AUP1: variants seen among roughly 807,000 people sequenced by gnomAD.
AUP1 encodes lipid droplet-regulating VLDL assembly factor AUP1.
Under a neutral mutation model 51.8 loss-of-function variants are expected in AUP1, and 30 were observed. That is an observed-to-expected ratio of 0.58 (90% CI 0.43 to 0.79). AUP1 has a LOEUF of 0.79. Among genes scored for constraint, AUP1 ranks in the 30% least tolerant of loss-of-function variants. The pLI is 0.00. For missense variants in AUP1, 492 were observed against 517.1 expected, an observed-to-expected ratio of 0.95 and a Z score of 0.47; for synonymous variants, 227 against 209.0, an observed-to-expected ratio of 1.09 and a Z score of -0.74.
chr2:74,526,967 C>T lies in AUP1; in HGVS notation c.1170G>A (p.Lys390=), dbSNP rs1267660765. The T allele has an allele frequency of 6.2e-7, 1 of 1,614,152 alleles. No homozygotes were observed. The highest frequency in any genetic ancestry group is 2.2e-5 in the East Asian group (1 of 44,878). Residue 390 remains lysine, a synonymous_variant, in exon 11 of 12, where the codon AAG becomes AAA. Transcript: ENST00000377526. ...TTCTTGCGTATTCATATAGTGCTTG[C>T]TTGCGCTCCTGCAGGCTCTCCTGCC... ...WARQESLQER[K]QALYEYARRR...
In AUP1 at chr2:74,527,651, G is replaced by A. The variant is rs1314702366; in HGVS notation, c.842-61C>T. On this transcript the variant is annotated intron_variant, in intron 8 of 11. Transcript: ENST00000377526. ...GGTAAGTAGAGAACTAGAAGGAGAG[G>A]CTAACTAGCACAGAAATAGGGGAGG... 2.5e-6 allele frequency: 4 copies of A among 1,589,324 alleles called. No homozygotes were observed. The African/African-American group carries it at 5.5e-5, about 22-fold the overall frequency.
Position 74,526,684 on chromosome 2 carries a change from G to C in AUP1, c.*116C>G. ...AAAACCATGAATTTAATGTGACATTGGGGGAGCCTCATCCTTCCCTTTTTA... is the reference window on the plus strand; with the variant it reads ...AAAACCATGAATTTAATGTGACATTCGGGGAGCCTCATCCTTCCCTTTTTA... On this transcript the variant is annotated 3_prime_UTR_variant, in exon 12 of 12. Transcript: ENST00000377526. 8.1e-7 allele frequency: 1 copy of C among 1,234,038 alleles called. No individual in the cohort carries two copies. The allele number at this position is 1,234,038 out of a possible 1,614,324, so 76.4% of individuals were successfully genotyped here.
chr2:74,529,375 T>C lies in AUP1; in HGVS notation c.175A>G (p.Ser59Gly). The C allele has an allele frequency of 6.2e-7, 1 of 1,610,556 alleles. No individual in the cohort carries two copies. Among genetic ancestry groups the C allele is most frequent in the Non-Finnish European group, 8.5e-7 (1 of 1,178,344 alleles). The part of the protein sequence containing the change: ...VFLVSCALPD[S>G]VLRRFVVRTM... ...CCGCGTCGGAACCTGCGAAGGACGC[T>C]GTCTGGCAGCGCGCAGCTGACCAGG... The change falls in exon 2 of 12, where the codon AGC becomes GGC. Residue 59 changes from serine (S) to glycine (G), a missense_variant. Coordinates refer to ENST00000377526, the MANE Select transcript of AUP1 (RefSeq NM_181575.5).
chr2:74,529,694 C>A lies in AUP1; in HGVS notation c.-65G>T, dbSNP rs1267015971. 9 of 1,538,252 alleles carry A rather than the reference C, an allele frequency of 5.9e-6. No individual in the cohort carries two copies. Among genetic ancestry groups the A allele is most frequent in the South Asian group, 1.2e-5 (1 of 83,730 alleles). ...CCATTTTCGCGCCCGGCCGCAGGGGCTCTTGGGAAGGCGGAGTCTTTGGGC... is the reference window on the plus strand; with the variant it reads ...CCATTTTCGCGCCCGGCCGCAGGGGATCTTGGGAAGGCGGAGTCTTTGGGC... On this transcript the variant is annotated 5_prime_UTR_variant, in exon 1 of 12. Transcript: ENST00000377526.
At chr2:74,527,614 A>G in intron 8 of AUP1, 24 bp from the exon 9 acceptor site, 6 of 1,588,362 alleles carry the variant, frequency 3.8e-6, no homozygotes, top group Non-Finnish European at 5.1e-6. Flanking sequence ...AAAAAAAGAA[A>G]AAAGAAATTC....
chr2:74,529,002 G>A (rs529041672), intron 3 of AUP1, 67 bp from the exon 4 acceptor site: 1 of 1,603,874 alleles, frequency 6.2e-7, no homozygotes, highest in South Asian at 1.1e-5. Context: ...AAACTGACAT[G>A]TTGGGTAGAG....
chr2:74,527,401 C>A, intron 9 of AUP1, 38 bp from the exon 10 acceptor site: 1 of 1,611,948 alleles, frequency 6.2e-7, no homozygotes, highest in Non-Finnish European at 8.5e-7. Context: ...TCCCTACTTA[C>A]TTTCTTCCTT....
chr2:74,529,261 A>C lies in AUP1; in HGVS notation c.210T>G (p.Cys70Trp). Reference sequence around the variant, plus strand: ...GCCGGGCCACGAGCCCTAGCACCGCACACATGGTCCGCACTACGAATCTGG... The same window carrying C: ...GCCGGGCCACGAGCCCTAGCACCGCCCACATGGTCCGCACTACGAATCTGG... ...VLRRFVVRTM[C>W]AVLGLVARQE... The change falls in exon 3 of 12, where the codon TGT becomes TGG. Residue 70 changes from cysteine (C) to tryptophan (W), a missense_variant. Cys to Trp is a radical substitution (Grantham distance 215). Transcript: ENST00000377526. 6.2e-7 allele frequency: 1 copy of C among 1,614,226 alleles called. No individual in the cohort carries two copies. Among genetic ancestry groups the C allele is most frequent in the Non-Finnish European group, 8.5e-7 (1 of 1,180,032 alleles).
intron 4 of AUP1, 88 bp from the exon 5 acceptor site, chr2:74,528,577 C>A: frequency 7.0e-7 from 1 of 1,418,690 alleles, no homozygotes. Context: ...CTGTCAAACT[C>A]TACAAGCACA....
chr2:74,527,214 C>T, intron 10 of AUP1, 34 bp downstream of exon 10: 1 of 1,607,190 alleles, frequency 6.2e-7, no homozygotes, highest in South Asian at 1.1e-5. Flanking sequence ...CAACTCACCC[C>T]AACACTTGGA....
At chr2:74,528,084 T>C (rs756146670) in intron 6 of AUP1, 78 bp from the exon 7 acceptor site, 8 of 1,550,708 alleles carry the variant, frequency 5.2e-6, no homozygotes, top group Non-Finnish European at 5.3e-6. Context: ...TGGTACCTCT[T>C]TGCATGGTGG....
intron 4 of AUP1, 101 bp downstream of exon 4, chr2:74,528,650 G>A (rs1371142205): frequency 9.1e-6 from 13 of 1,429,216 alleles, no homozygotes; most frequent in Non-Finnish European, 1.2e-5. Flanking sequence ...AAATGAACTG[G>A]AGATGATGGG....
chr2:74,527,066 T>C lies in AUP1; in HGVS notation c.1078-7A>G. ...CCGGGCCAGAGCTGGGAAACTGAGG[T>C]GATCACAATGTCAGAGGGCTTGCGG... On this transcript the variant is annotated splice_polypyrimidine_tract_variant and splice_region_variant and intron_variant, in intron 10 of 11. Coordinates refer to ENST00000377526, the MANE Select transcript of AUP1 (RefSeq NM_181575.5). 6.2e-7 allele frequency: 1 copy of C among 1,614,104 alleles called. No homozygotes were observed.
rs1306810714 is a variant in AUP1, at chr2:74,528,786, C to T, written c.489G>A (p.Glu163=). Residue 163 remains glutamate (E), a synonymous_variant, in exon 4 of 12, where the codon GAG becomes GAA. Transcript: ENST00000377526. ...GGAGCCCCTCCCGGCCATTGGTGGC[C>T]TCTTCCTCAGGGAATAGCAGCAGAG... is the stretch of plus-strand genomic sequence containing the variant. ...PTPLLLFPEE[E]ATNGREGLLR... is the part of the protein sequence containing the mutation. The T allele has an allele frequency of 2.5e-6, 4 of 1,611,846 alleles. No individual in the cohort carries two copies. Among genetic ancestry groups the T allele is most frequent in the Middle Eastern group, 3.3e-4 (2 of 6,030 alleles).
In AUP1 at chr2:74,529,471, C is replaced by A; in HGVS notation, c.79G>T (p.Val27Leu). The A allele has an allele frequency of 6.4e-7, 1 of 1,560,320 alleles. No homozygotes were observed. The highest frequency in any genetic ancestry group is 8.7e-7 in the Non-Finnish European group (1 of 1,151,278). Reference protein sequence around the residue: ...RLPGDCFLLLVLLLYAPVGFC... With the variant: ...RLPGDCFLLLLLLLYAPVGFC... ...CCGACTGGCGCGTAGAGCAGCAGCA[C>A]GAGCAGTAGGAAGCAGTCACCCGGA... The change falls in exon 2 of 12, where the codon GTG (valine) becomes TTG (leucine). Residue 27 changes from valine to leucine, a missense_variant. Coordinates refer to ENST00000377526, the MANE Select transcript of AUP1 (RefSeq NM_181575.5).
Position 74,527,253 on chromosome 2 carries a change from A to C in AUP1, c.1072T>G (p.Ser358Ala). The change falls in exon 10 of 12, where the codon TCC (serine) becomes GCC (alanine). Residue 358 changes from serine (S) to alanine (A), a missense_variant. By Grantham distance (99) the Ser-to-Ala change is moderately conservative (BLOSUM62 1). Transcript: ENST00000377526. ...GACCATTTCCTGGGTCTCACCTTGG[A>C]GGCAGAGGCTGTGGGTAGGGACTGA... Reference protein sequence around the residue: ...GTQSLPTASASKFPSSGPVTP... With the variant: ...GTQSLPTASAAKFPSSGPVTP... 6.2e-7 allele frequency: 1 copy of C among 1,613,548 alleles called. No homozygotes were observed. Among genetic ancestry groups the C allele is most frequent in the Non-Finnish European group, 8.5e-7 (1 of 1,179,710 alleles).
At position 74,528,952 on chromosome 2, in the gene AUP1, G is replaced by A. The variant is rs1251299470; in HGVS notation, c.340-17C>T. On this transcript the variant is annotated splice_polypyrimidine_tract_variant and intron_variant, in intron 3 of 11. Coordinates refer to ENST00000377526, the MANE Select transcript of AUP1 (RefSeq NM_181575.5). ...GAGTAGAGGCTGGGAACCAGGAGAA[G>A]AGAAAGCAAGAAGAAAAATATTGAG... 3.1e-6 allele frequency: 5 copies of A among 1,612,224 alleles called. No homozygotes were observed. Among genetic ancestry groups the A allele is most frequent in the Non-Finnish European group, 4.2e-6 (5 of 1,179,338 alleles).
At chr2:74,528,038 G>A in intron 6 of AUP1, 32 bp from the exon 7 acceptor site, 1 of 1,613,014 alleles carries the variant, frequency 6.2e-7, no homozygotes, top group Admixed American at 1.7e-5. Context: ...CTATGTTGTG[G>A]GCACCCAGGG....
At position 74,528,995 on chromosome 2, in the gene AUP1, C is replaced by A. The variant is rs1373432521; in HGVS notation, c.340-60G>T. ...ATATTGAGGAAAATGAAAAAAAAAACTGACATGTTGGGTAGAGGATCGGGG... is the reference window on the plus strand; with the variant it reads ...ATATTGAGGAAAATGAAAAAAAAAAATGACATGTTGGGTAGAGGATCGGGG... On this transcript the variant is annotated intron_variant, in intron 3 of 11. Transcript: ENST00000377526. 4 of 1,591,566 alleles carry A rather than the reference C, an allele frequency of 2.5e-6. No homozygotes were observed. The African/African-American group carries it at 5.7e-5, about 23-fold the overall frequency.
Sources: allele counts gnomAD v4.1 joint callset, GRCh38; gene constraint gnomAD v4.1.1; transcripts MANE v1.5; gene names NCBI Gene and HGNC (gene_info 2026-07-23, HGNC 2026-07-21).